Variants in CNTNAP3 observed in about 807,000 individuals in gnomAD.
CNTNAP3 encodes the protein contactin associated protein family member 3, also known as contactin-associated protein-like 3.
In CNTNAP3, 36 loss-of-function variants were observed where a neutral mutation model predicts 92.1. The ratio of observed to expected loss-of-function variants is 0.39; its 90% CI spans 0.30 to 0.52. The LOEUF is 0.52. Ranked by LOEUF, CNTNAP3 falls within the 20% of genes least tolerant of loss-of-function variation. The pLI is 0.76. For synonymous variants in CNTNAP3, 232 were observed against 422.3 expected, an observed-to-expected ratio of 0.55 and a Z score of 5.53; for missense variants, 534 against 1,069.6, an observed-to-expected ratio of 0.50 and a Z score of 6.98.
Position 39,072,016 on chromosome 9 carries a change from T to G in CNTNAP3, c.*1874A>C, listed in dbSNP as rs1825643171. Among the ~76,000 whole-genome samples, 1 of 107,060 alleles carries G rather than the reference T, an allele frequency of 9.3e-6. No individual in the cohort carries two copies. The highest frequency in any genetic ancestry group is 4.3e-5 in the African/African-American group (1 of 23,278). The allele number at this position is 107,060 out of a possible 152,430, so 70.2% of individuals were successfully genotyped here. ...TTTTTTATTTTATTTAAAAATGAGT[T>G]TATTTTCAAATAAGAAGATTAAGTC... On this transcript the variant is annotated 3_prime_UTR_variant, in exon 24 of 24. Coordinates refer to ENST00000297668, the MANE Select transcript of CNTNAP3 (RefSeq NM_033655.5).
chr9:39,098,822 AGTAAGT>A (rs774145964), intron 18 of CNTNAP3, among the ~76,000 whole-genome samples: 29 of 152,212 alleles, frequency 1.9e-4, no homozygotes, highest in Non-Finnish European at 3.4e-4. Context: ...TGCTAAAAAT[AGTAAGT>A]GTAACAGCCC....
chr9:39,083,777 A>T (rs1251387284), intron 21 of CNTNAP3, among the ~76,000 whole-genome samples: 1 of 152,146 alleles, frequency 6.6e-6, no homozygotes, highest in African/African-American at 2.4e-5. Context: ...ACTGAATTAT[A>T]AAGTATTTTA....
chr9:39,135,173 T>A (rs1371902104), intron 12 of CNTNAP3, among the ~76,000 whole-genome samples: 1 of 152,224 alleles, frequency 6.6e-6, no homozygotes, highest in African/African-American at 2.4e-5. Context: ...ACATAGACCA[T>A]TGTGGTTTCC....
rs1823033332 is a variant in CNTNAP3 at position 39,285,643 on chromosome 9, T to G, written c.85+2337A>C. On this transcript the variant is annotated intron_variant, in intron 1 of 23. Coordinates refer to ENST00000297668, the MANE Select transcript of CNTNAP3 (RefSeq NM_033655.5). ...TTCAAGCGATTCTCCTGCCTCAGCC[T>G]CCCGAGAAGCTGGGATTACAGATGC... Among the ~76,000 whole-genome samples the G allele has an allele frequency of 4.1e-5, 2 of 48,214 alleles. 1 individual carries two copies. The highest frequency in any genetic ancestry group is 4.5e-4 in the Admixed American group (2 of 4,472). 31.6% of individuals were successfully genotyped at this position (48,214 alleles called of 152,430 possible). A position where few individuals can be genotyped will look rare whatever the true frequency, so the allele number is the denominator to read the frequency against.
chr9:39,147,464 T>C (rs915024126), intron 10 of CNTNAP3, among the ~76,000 whole-genome samples: 11 of 152,212 alleles, frequency 7.2e-5, no homozygotes, highest in Non-Finnish European at 1.5e-4. Context: ...TTTATAAAAT[T>C]CAGGTTTTCA....
At position 39,135,114 on chromosome 9, in the gene CNTNAP3, C is replaced by T. The variant is rs1821399588; in HGVS notation, c.1877-1979G>A. The stretch of plus-strand genomic sequence containing the variant: ...ATGCATTTGTGTTTATAAAATTCCA[C>T]TTGACTCACTTCTCCTTATAATATC... On this transcript the variant is annotated intron_variant, in intron 12 of 23. Transcript: ENST00000297668. Among the ~76,000 whole-genome samples, 3 of 152,162 alleles carry T rather than the reference C, an allele frequency of 2.0e-5. 1 individual carries two copies. The highest frequency in any genetic ancestry group is 7.2e-5 in the African/African-American group (3 of 41,438).
At chr9:39,119,992 C>T (rs542939090) in intron 13 of CNTNAP3, among the ~76,000 whole-genome samples, 28 of 152,052 alleles carry the variant, frequency 1.8e-4, no homozygotes, top group Admixed American at 5.9e-4. Flanking sequence ...CAATATCATC[C>T]GAATCTCAAA....
At chr9:39,142,413 C>T (rs1419448466) in intron 11 of CNTNAP3, among the ~76,000 whole-genome samples, 1 of 152,126 alleles carries the variant, frequency 6.6e-6, no homozygotes, top group Non-Finnish European at 1.5e-5. Context: ...TGGCTCATGC[C>T]TGTAATCCCA....
chr9:39,113,818 G>C (rs979806225), intron 14 of CNTNAP3, among the ~76,000 whole-genome samples: 1 of 150,512 alleles, frequency 6.6e-6, no homozygotes, highest in East Asian at 1.9e-4. Flanking sequence ...CTTACTAAAC[G>C]ATATATGGCT....
intron 18 of CNTNAP3, among the ~76,000 whole-genome samples, chr9:39,093,979 T>G (rs1440969757): frequency 8.6e-5 from 13 of 151,420 alleles, no homozygotes; most frequent in Admixed American, 5.3e-4. Context: ...TTCCCACCAG[T>G]AACAAAAGAG....
At position 39,071,978 on chromosome 9, in the gene CNTNAP3, T is replaced by C. The variant is rs542967505; in HGVS notation, c.*1912A>G. On this transcript the variant is annotated 3_prime_UTR_variant, in exon 24 of 24. Transcript: ENST00000297668. ...TTCTGTAATTTTAATTTTATAGAGC[T>C]TTCCCTAAAATATTTTTTATTTTAT... 5.2e-4 allele frequency among the ~76,000 whole-genome samples: 57 copies of C among 108,876 alleles called. No homozygotes were observed. The highest frequency in any genetic ancestry group is 2.2e-3 in the African/African-American group (53 of 24,304). The allele number at this position is 108,876 out of a possible 152,430, so 71.4% of individuals were successfully genotyped here.
At position 39,069,066 on chromosome 9, in the gene CNTNAP3, G is replaced by A. The variant is rs1425739301; in HGVS notation, c.*4824C>T. Among the ~76,000 whole-genome samples, 1 of 152,226 alleles carries A rather than the reference G, an allele frequency of 6.6e-6. No individual in the cohort carries two copies. Among genetic ancestry groups the A allele is most frequent in the Admixed American group, 6.5e-5 (1 of 15,290 alleles). The stretch of plus-strand genomic sequence containing the variant: ...TAACACACATGAATCATATCCTAAA[G>A]ATTTGGAACAAGAAGTAAATTTAGC... On this transcript the variant is annotated 3_prime_UTR_variant, in exon 24 of 24. Coordinates refer to ENST00000297668, the MANE Select transcript of CNTNAP3 (RefSeq NM_033655.5).
Position 39,068,153 on chromosome 9 carries a change from G to T in CNTNAP3, c.*5737C>A, listed in dbSNP as rs1364663646. Among the ~76,000 whole-genome samples the T allele has an allele frequency of 6.6e-6, 1 of 152,398 alleles. No homozygotes were observed. Among genetic ancestry groups the T allele is most frequent in the African/African-American group, 2.4e-5 (1 of 41,592 alleles). On this transcript the variant is annotated 3_prime_UTR_variant, in exon 24 of 24. Coordinates refer to ENST00000297668, the MANE Select transcript of CNTNAP3 (RefSeq NM_033655.5). ...AGTGGCTTACGCCTGTGATACCAGC[G>T]CTTTAGGAGGCTGAGGTGGGCAGAT...
chr9:39,135,667 G>A (rs1821413379), intron 12 of CNTNAP3, among the ~76,000 whole-genome samples: 1 of 152,152 alleles, frequency 6.6e-6, no homozygotes, highest in Non-Finnish European at 1.5e-5. Context: ...TTTAATACAT[G>A]TGACCTACTG....
intron 13 of CNTNAP3, among the ~76,000 whole-genome samples, chr9:39,121,973 A>G (rs1464433820): frequency 4.4e-4 from 67 of 152,248 alleles, no homozygotes; most frequent in African/African-American, 1.6e-3. Flanking sequence ...TTCTTACCCA[A>G]GGGAAGGGGA....
intron 13 of CNTNAP3, among the ~76,000 whole-genome samples, chr9:39,131,606 A>C (rs953512278): frequency 6.6e-6 from 1 of 151,976 alleles, no homozygotes; most frequent in African/African-American, 2.4e-5. Context: ...CGGGCGGATC[A>C]CCTGAGGTCA....
rs1278107809 is a variant in CNTNAP3 at position 39,086,162 on chromosome 9, T to C, written c.3355-339A>G. 6 of 403,406 alleles carry C rather than the reference T, an allele frequency of 1.5e-5. No individual in the cohort carries two copies. In the East Asian group the frequency reaches 3.4e-4, roughly 23 times the overall value. The allele number at this position is 403,406 out of a possible 1,614,324, so 25.0% of individuals were successfully genotyped here. On this transcript the variant is annotated intron_variant, in intron 20 of 23. Transcript: ENST00000297668. Reference sequence around the variant, plus strand: ...ATGTACTCATTCTGTGGAGAAAATCTGAAACATAAAACCAAGCATTGTTGT... The same window carrying C: ...ATGTACTCATTCTGTGGAGAAAATCCGAAACATAAAACCAAGCATTGTTGT...
intron 18 of CNTNAP3, among the ~76,000 whole-genome samples, chr9:39,092,797 G>T (rs1587703050): frequency 7.3e-6 from 1 of 137,018 alleles, no homozygotes; most frequent in South Asian, 2.5e-4. Context: ...ATCCTTTATT[G>T]TAAGTGAAGT....
In CNTNAP3 at chr9:39,068,078, C is replaced by A. The variant is rs1195667924; in HGVS notation, c.*5812G>T. Among the ~76,000 whole-genome samples, 2 of 152,288 alleles carry A rather than the reference C, an allele frequency of 1.3e-5. No individual in the cohort carries two copies. Among genetic ancestry groups the A allele is most frequent in the Non-Finnish European group, 1.5e-5 (1 of 68,040 alleles). On this transcript the variant is annotated 3_prime_UTR_variant, in exon 24 of 24. Transcript: ENST00000297668. ...GTAAAGCCCAGATATACGTATAGTA[C>A]TAAAGAGATATGCAGTGCATGTGCG...
Sources: gnomAD v4.1 joint callset for allele counts (sites outside exome capture counted in the v4.1 genomes callset) on GRCh38, gnomAD v4.1.1 for gene constraint, MANE v1.5 for transcripts, NCBI Gene and HGNC (gene_info 2026-07-23, HGNC 2026-07-21) for gene names.